Variants in PMP22 observed in about 807,000 individuals in gnomAD.
PMP22 encodes peripheral myelin protein 22.
PMP22 carries 2 observed loss-of-function variants against 18.9 expected under a neutral mutation model. The observed-to-expected ratio is 0.11, with a 90% CI of 0.04 to 0.33. PMP22 has a LOEUF of 0.33. Among genes scored for constraint, PMP22 ranks in the 10% least tolerant of loss-of-function variants. The pLI is 1.00. For synonymous variants in PMP22, 95 were observed against 89.2 expected (o/e 1.07, Z -0.37); for missense variants, 169 against 202.2 (o/e 0.84, Z 1.00).
chr17:15,244,243 A>G (rs1388981425), intron 3 of PMP22, among the ~76,000 whole-genome samples: 1 of 152,152 alleles, frequency 6.6e-6, no homozygotes, highest in Non-Finnish European at 1.5e-5. Context: ...CATCCAGCCA[A>G]TAGGCAAAAT....
intron 1 of PMP22, among the ~76,000 whole-genome samples, chr17:15,264,889 T>C (rs1439049278): frequency 1.3e-5 from 2 of 152,218 alleles, no homozygotes; most frequent in Non-Finnish European, 2.9e-5. Flanking sequence ...AAAAAGCATC[T>C]AGATTCCTTT....
intron 3 of PMP22, among the ~76,000 whole-genome samples, chr17:15,257,464 A>T (rs1376961670): frequency 6.6e-6 from 1 of 152,166 alleles, no homozygotes; most frequent in Admixed American, 6.5e-5. Context: ...CCACTTGGGG[A>T]TGGCGCCTGT....
chr17:15,253,141 C>A (rs538805403), intron 3 of PMP22, among the ~76,000 whole-genome samples: 1 of 152,266 alleles, frequency 6.6e-6, no homozygotes, highest in Non-Finnish European at 1.5e-5. Context: ...CACACCCCTC[C>A]CCCTCACCAG....
Position 15,253,523 on chromosome 17 carries a change from G to C in PMP22, c.178+5571C>G, listed in dbSNP as rs1230779740. On this transcript the variant is annotated intron_variant, in intron 3 of 4. Coordinates refer to ENST00000312280, the MANE Select transcript of PMP22 (RefSeq NM_000304.4). ...TGTCACTCCAACTTGGAATCAAATG[G>C]ACCACTGAGAAACCCGTGGAAGACA... 1.3e-5 allele frequency among the ~76,000 whole-genome samples: 2 copies of C among 151,968 alleles called. No individual in the cohort carries two copies. Among genetic ancestry groups the C allele is most frequent in the East Asian group, 3.9e-4 (2 of 5,176 alleles).
In PMP22 at chr17:15,229,831, A is replaced by C. The variant is rs1222085494; in HGVS notation, c.*1086T>G. 6.5e-6 allele frequency: 1 copy of C among 152,672 alleles called. No homozygotes were observed. The highest frequency in any genetic ancestry group is 1.5e-5 in the Non-Finnish European group (1 of 68,064). The allele number at this position is 152,672 out of a possible 1,614,324, so 9.5% of individuals were successfully genotyped here. A position where few individuals can be genotyped will look rare whatever the true frequency, so the allele number is the denominator to read the frequency against. Reference sequence around the variant, plus strand: ...CATCTTAGTCCACACAGTTGGTATAAAATCAGAAAATGCAAAGCAAAAACA... The same window carrying C: ...CATCTTAGTCCACACAGTTGGTATACAATCAGAAAATGCAAAGCAAAAACA... On this transcript the variant is annotated 3_prime_UTR_variant, in exon 5 of 5. Transcript: ENST00000312280.
At position 15,252,125 on chromosome 17, in the gene PMP22, A is replaced by G. The variant is rs3785648; in HGVS notation, c.178+6969T>C. 0.012 allele frequency among the ~76,000 whole-genome samples: 1,895 copies of G among 152,218 alleles called. 90 individuals carry two copies. The East Asian group carries it at 0.15, about 12-fold the overall frequency. ...GAAGATTTTAAAATGTAAAACATGAACCCATAAATGCAGAAGGTCTCCCGT... is the reference window on the plus strand; with the variant it reads ...GAAGATTTTAAAATGTAAAACATGAGCCCATAAATGCAGAAGGTCTCCCGT... On this transcript the variant is annotated intron_variant, in intron 3 of 4. Coordinates refer to ENST00000312280, the MANE Select transcript of PMP22 (RefSeq NM_000304.4).
rs776716875 is a variant in PMP22 at position 15,258,891 on chromosome 17, C to T, written c.178+203G>A. ...GCATGTCTCTAGGTAGAGTGAATCA[C>T]AATGATGCCCAGGATCTCAGCTTCC... On this transcript the variant is annotated intron_variant, in intron 3 of 4. Transcript: ENST00000312280. This position sits in a 1 kb window ranked among gnomAD's most constrained non-coding sequence, Gnocchi z 4.1. 4 of 645,414 alleles carry T rather than the reference C, an allele frequency of 6.2e-6. No individual in the cohort carries two copies. The highest frequency in any genetic ancestry group is 1.1e-5 in the Non-Finnish European group (4 of 354,202). 40.0% of individuals were successfully genotyped at this position (645,414 alleles called of 1,614,324 possible). A position where few individuals can be genotyped will look rare whatever the true frequency, so the allele number is the denominator to read the frequency against.
At chr17:15,265,107 G>A (rs1909622316) in intron 1 of PMP22, 47 bp downstream of exon 1, 1 of 152,104 alleles carries the variant, frequency 6.6e-6, no homozygotes, top group South Asian at 2.1e-4. Flanking sequence ...TTCTTGTAAA[G>A]CATAGGCACA....
chr17:15,252,996 G>T (rs188740082), intron 3 of PMP22, among the ~76,000 whole-genome samples: 65 of 152,324 alleles, frequency 4.3e-4, no homozygotes, highest in African/African-American at 1.5e-3. Flanking sequence ...TGAGAACTTG[G>T]ACTTGATATT....
intron 3 of PMP22, among the ~76,000 whole-genome samples, chr17:15,254,854 G>C (rs113978647): frequency 0.016 from 2,494 of 152,306 alleles, 39 homozygotes; most frequent in Middle Eastern, 0.027. Flanking sequence ...AGCTACCCGG[G>C]AGGCTGAGGC....
At chr17:15,247,842 G>C (rs964080623) in intron 3 of PMP22, among the ~76,000 whole-genome samples, 1 of 152,168 alleles carries the variant, frequency 6.6e-6, no homozygotes, top group Non-Finnish European at 1.5e-5. Context: ...GAGGCCAAGA[G>C]AGAAAAAGCC....
rs570955542 is a variant in PMP22 at position 15,230,913 on chromosome 17, C to A, written c.*4G>T. The A allele has an allele frequency of 5.6e-6, 9 of 1,613,682 alleles. No individual in the cohort carries two copies. In the African/African-American group the frequency reaches 6.7e-5, roughly 12 times the overall value. ...CAGAGCCTCAGACAGACCGTCTGGG[C>A]GCCTCATTCGCGTTTCCGCAAGATC... is the stretch of plus-strand genomic sequence containing the variant. On this transcript the variant is annotated 3_prime_UTR_variant, in exon 5 of 5. Coordinates refer to ENST00000312280, the MANE Select transcript of PMP22 (RefSeq NM_000304.4).
intron 3 of PMP22, among the ~76,000 whole-genome samples, chr17:15,250,165 G>A (rs1199611281): frequency 2.0e-5 from 3 of 152,102 alleles, no homozygotes; most frequent in African/African-American, 7.2e-5. Context: ...TAATCCGCCC[G>A]CCTCAGCCTC....
At chr17:15,253,210 G>A (rs1281218163) in intron 3 of PMP22, among the ~76,000 whole-genome samples, 5 of 152,114 alleles carry the variant, frequency 3.3e-5, no homozygotes, top group Non-Finnish European at 5.9e-5. Context: ...CTCATTCAAA[G>A]CGACGCCATG....
chr17:15,246,444 A>T (rs1350518448), intron 3 of PMP22, among the ~76,000 whole-genome samples: 1 of 152,248 alleles, frequency 6.6e-6, no homozygotes, highest in Non-Finnish European at 1.5e-5. Flanking sequence ...AGTCAGCTGT[A>T]CAGAAAATAA....
rs73265855 is a variant in PMP22 at position 15,259,278 on chromosome 17, G to A, written c.79-85C>T. ...GGAAGGAGAAAGGCCCAGGGATGGC[G>A]AAAAGCACCCGCATCCACCTAGCCA... On this transcript the variant is annotated intron_variant, in intron 2 of 4. Transcript: ENST00000312280. The A allele has an allele frequency of 2.8e-3, 3,023 of 1,089,256 alleles. 51 individuals carry two copies. The African/African-American group carries it at 0.041, about 15-fold the overall frequency. 67.5% of individuals were successfully genotyped at this position (1,089,256 alleles called of 1,614,324 possible).
At chr17:15,248,284 G>A (rs1277383510) in intron 3 of PMP22, among the ~76,000 whole-genome samples, 3 of 152,028 alleles carry the variant, frequency 2.0e-5, no homozygotes, top group Non-Finnish European at 4.4e-5. Flanking sequence ...TGACGTGGGC[G>A]GCTCTCTCAA....
At position 15,229,991 on chromosome 17, in the gene PMP22, C is replaced by A. The variant is rs950499674; in HGVS notation, c.*926G>T. 1 of 152,562 alleles carries A rather than the reference C, an allele frequency of 6.6e-6. No individual in the cohort carries two copies. Among genetic ancestry groups the A allele is most frequent in the Non-Finnish European group, 1.5e-5 (1 of 68,038 alleles). 9.5% of individuals were successfully genotyped at this position (152,562 alleles called of 1,614,324 possible). A position where few individuals can be genotyped will look rare whatever the true frequency, so the allele number is the denominator to read the frequency against. ...AGCCAAGCTCTAGGAACTCACGGTCCCAAGGAGTCTAGACGCTTGTTCTGA... is the reference window on the plus strand; with the variant it reads ...AGCCAAGCTCTAGGAACTCACGGTCACAAGGAGTCTAGACGCTTGTTCTGA... On this transcript the variant is annotated 3_prime_UTR_variant, in exon 5 of 5. Transcript: ENST00000312280.
intron 4 of PMP22, 171 bp downstream of exon 4, chr17:15,239,300 T>C (rs1244259050): frequency 4.1e-6 from 3 of 739,636 alleles, no homozygotes; most frequent in Non-Finnish European, 7.2e-6. Context: ...CTAAGACACA[T>C]ACAGGTACAC....
Sources: gnomAD v4.1 joint callset for allele counts (sites outside exome capture counted in the v4.1 genomes callset) on GRCh38, gnomAD v4.1.1 for gene constraint, Gnocchi (gnomAD v3.1) non-coding constraint, MANE v1.5 for transcripts, NCBI Gene and HGNC (gene_info 2026-07-23, HGNC 2026-07-21) for gene names.